SPTB: variants seen among roughly 807,000 people sequenced by gnomAD.
SPTB encodes spectrin beta, erythrocytic.
A neutral mutation model predicts 256.2 loss-of-function variants in SPTB; 45 were observed. That is an observed-to-expected ratio of 0.18 (90% confidence interval 0.14 to 0.23). The LOEUF is 0.23. SPTB is among the 10% of genes least tolerant of loss of function. The pLI, the probability that SPTB is intolerant of heterozygous loss-of-function variation, is 1.00. For missense variants in SPTB, 2,715 were observed against 3,040.4 expected (o/e 0.89, Z 2.52); for synonymous variants, 1,231 against 1,243.1 (o/e 0.99, Z 0.21).
chr14:64,761,035 A>G (rs2082086570), intron 32 of SPTB, among the ~76,000 whole-genome samples: 1 of 152,228 alleles, frequency 6.6e-6, no homozygotes, highest in Non-Finnish European at 1.5e-5. Context: ...CAGCATAATC[A>G]TGCCAGAGCT....
rs970244779 is a variant in SPTB at position 64,747,472 on chromosome 14, C to G, written c.*1834G>C. ...CATATGTACCAAAGCCAAATGAAGA[C>G]CTTGCTCACCAGGGCGGGAACCTGG... On this transcript the variant is annotated 3_prime_UTR_variant, in exon 36 of 36. Coordinates refer to ENST00000644917, the MANE Select transcript of SPTB (RefSeq NM_001355436.2). The G allele has an allele frequency of 2.6e-5, 4 of 152,794 alleles. No homozygotes were observed. The highest frequency in any genetic ancestry group is 9.6e-5 in the African/African-American group (4 of 41,580). 9.5% of individuals were successfully genotyped at this position (152,794 alleles called of 1,614,324 possible). A position where few individuals can be genotyped will look rare whatever the true frequency, so the allele number is the denominator to read the frequency against.
chr14:64,801,161 T>C, intron 7 of SPTB, 124 bp downstream of exon 7: 1 of 804,338 alleles, frequency 1.2e-6, no homozygotes, highest in Non-Finnish European at 2.0e-6. Context: ...TGCCCCTCAC[T>C]GTGCCCACAG....
intron 1 of SPTB, among the ~76,000 whole-genome samples, chr14:64,833,087 C>A (rs1288181915): frequency 1.3e-5 from 2 of 152,302 alleles, no homozygotes; most frequent in Non-Finnish European, 2.9e-5. Flanking sequence ...CAATCCTTCC[C>A]CCCAGCTTCT....
chr14:64,800,404 A>G (rs1232538481), intron 8 of SPTB, among the ~76,000 whole-genome samples: 4 of 152,238 alleles, frequency 2.6e-5, no homozygotes, highest in African/African-American at 9.6e-5. Context: ...GTCTATACCA[A>G]TGGGTGAGTT....
At chr14:64,856,750 G>T (rs564877680) in intron 1 of SPTB, among the ~76,000 whole-genome samples, 1 of 152,238 alleles carries the variant, frequency 6.6e-6, no homozygotes, top group African/African-American at 2.4e-5. Flanking sequence ...GGAGAAGGGC[G>T]GGAGTCCTCA....
At chr14:64,773,106 G>T (rs982429014) in intron 25 of SPTB, 114 bp downstream of exon 25, 4 of 1,544,854 alleles carry the variant, frequency 2.6e-6, no homozygotes, top group Non-Finnish European at 3.5e-6. Flanking sequence ...GGCTGGTCCC[G>T]CCTCACACTG....
At position 64,782,224 on chromosome 14, in the gene SPTB, G is replaced by A. The variant is rs1324551416; in HGVS notation, c.4266+66C>T. Reference sequence around the variant, plus strand: ...CCCCAAACCTAAAATTAAAAATAAAGGTGTCAGACTGGCTTCCACTATCCC... The same window carrying A: ...CCCCAAACCTAAAATTAAAAATAAAAGTGTCAGACTGGCTTCCACTATCCC... On this transcript the variant is annotated intron_variant, in intron 20 of 35. Transcript: ENST00000644917. 4.4e-6 allele frequency: 7 copies of A among 1,608,890 alleles called. No individual in the cohort carries two copies. In the African/African-American group the frequency reaches 5.3e-5, roughly 12 times the overall value.
intron 32 of SPTB, among the ~76,000 whole-genome samples, chr14:64,765,466 C>T (rs898804348): frequency 7.2e-5 from 11 of 152,138 alleles, no homozygotes; most frequent in African/African-American, 1.9e-4. Context: ...GGTCCTGAGG[C>T]GCATGCCCTA....
At chr14:64,870,576 C>A (rs957134291) in intron 1 of SPTB, among the ~76,000 whole-genome samples, 33 of 152,292 alleles carry the variant, frequency 2.2e-4, no homozygotes, top group Admixed American at 6.5e-4. Flanking sequence ...AATTCAAGAA[C>A]TTTGATGACG....
In SPTB at chr14:64,797,713, G is replaced by A. The variant is rs1479932241; in HGVS notation, c.1182+16C>T. The A allele has an allele frequency of 6.3e-7, 1 of 1,575,140 alleles. No homozygotes were observed. Among genetic ancestry groups the A allele is most frequent in the Non-Finnish European group, 8.7e-7 (1 of 1,144,606 alleles). On this transcript the variant is annotated intron_variant, in intron 10 of 35. Coordinates refer to ENST00000644917, the MANE Select transcript of SPTB (RefSeq NM_001355436.2). The stretch of plus-strand genomic sequence containing the variant: ...ATCAATCTACTGTCAATGCATAACG[G>A]AAAATGCTGTGGTACCCTGTTGATG...
chr14:64,822,058 A>G (rs1377687732), intron 2 of SPTB, among the ~76,000 whole-genome samples: 6 of 151,864 alleles, frequency 4.0e-5, no homozygotes, highest in Non-Finnish European at 8.8e-5. Flanking sequence ...TCTTCTTAGG[A>G]GGTGGAAGAC....
chr14:64,834,455 C>A lies in SPTB; in HGVS notation c.-51-11310G>T, dbSNP rs182481213. 2.1e-5 allele frequency among the ~76,000 whole-genome samples: 3 copies of A among 144,932 alleles called. No individual in the cohort carries two copies. The East Asian group carries it at 6.4e-4, about 31-fold the overall frequency. On this transcript the variant is annotated intron_variant, in intron 1 of 35. Coordinates refer to ENST00000644917, the MANE Select transcript of SPTB (RefSeq NM_001355436.2). ...TTTTTTTTTTTTTTAGACATCGTTT[C>A]AATCCTGTTGTCCGGGCTGGAGTGC...
In SPTB at chr14:64,784,341, T is replaced by C; in HGVS notation, c.3908A>G (p.Asp1303Gly). ...KLLTSQDVSY[D>G]EARNLHNKWL... is the part of the protein sequence containing the mutation. ...TTTATTGTGAAGGTTTCGTGCTTCA[T>C]CATAGGAGACATCCTGAGATGTCAG... Residue 1303 changes from aspartate (D) to glycine (G), a missense_variant, in exon 19 of 36, where the codon GAT (aspartate) becomes GGT (glycine). By Grantham distance (94) the Asp-to-Gly change is moderately conservative. Transcript: ENST00000644917. 6.2e-7 allele frequency: 1 copy of C among 1,614,250 alleles called. No homozygotes were observed. The highest frequency in any genetic ancestry group is 8.5e-7 in the Non-Finnish European group (1 of 1,180,044).
chr14:64,872,013 A>G (rs1882559981), intron 1 of SPTB, among the ~76,000 whole-genome samples: 2 of 152,258 alleles, frequency 1.3e-5, no homozygotes, highest in Admixed American at 6.5e-5. Flanking sequence ...AGTACAAAGT[A>G]CACAGCACAT....
At chr14:64,797,886 C>G in intron 9 of SPTB, 40 bp from the exon 10 acceptor site, 1 of 1,524,846 alleles carries the variant, frequency 6.6e-7, no homozygotes, top group Middle Eastern at 1.7e-4. Context: ...ATGTTAAGAT[C>G]TCATGGCCAA....
rs764481254 is a variant in SPTB at position 64,801,420 on chromosome 14, G to A, written c.648-20C>T. On this transcript the variant is annotated intron_variant, in intron 6 of 35. Transcript: ENST00000644917. ...TCGGGCCTGGGGACAAAACTGGACT[G>A]TGAAAAGGGAGTAGCCACAGCATCC... The A allele has an allele frequency of 1.6e-5, 25 of 1,580,648 alleles. No individual in the cohort carries two copies. The highest frequency in any genetic ancestry group is 3.3e-5 in the Admixed American group (2 of 59,970).
At position 64,772,954 on chromosome 14, in the gene SPTB, G is replaced by A. The variant is rs762481264; in HGVS notation, c.5179C>T (p.Leu1727Phe). The A allele has an allele frequency of 6.3e-6, 10 of 1,599,332 alleles. No homozygotes were observed. Among genetic ancestry groups the A allele is most frequent in the Non-Finnish European group, 3.4e-6 (4 of 1,173,244 alleles). Residue 1727 changes from leucine to phenylalanine, a missense_variant and splice_region_variant, in exon 26 of 36, where the codon CTT (leucine) becomes TTT (phenylalanine). Transcript: ENST00000644917. The surrounding 1 kb of genome is among the most constrained non-coding windows in gnomAD (Gnocchi z 5.4). ...EMGQDFDHVT[L>F]LRDKFRDFAR... Reference sequence around the variant, plus strand: ...AAGTCCCGGAACTTGTCCCGCAGAAGCTAGGCATGGGGCAGACAGAAATGT... The same window carrying A: ...AAGTCCCGGAACTTGTCCCGCAGAAACTAGGCATGGGGCAGACAGAAATGT...
Position 64,823,245 on chromosome 14 carries a change from C to G in SPTB, c.-51-100G>C. On this transcript the variant is annotated intron_variant, in intron 1 of 35. Coordinates refer to ENST00000644917, the MANE Select transcript of SPTB (RefSeq NM_001355436.2). This position sits in a 1 kb window ranked among gnomAD's most constrained non-coding sequence, Gnocchi z 6.5. ...AGCATCCAACGTGAGTAGATCCTGA[C>G]AGAAGCAGAACGCCATGTCATCTGC... 1.1e-6 allele frequency: 1 copy of G among 906,392 alleles called. No homozygotes were observed. Among genetic ancestry groups the G allele is most frequent in the Admixed American group, 2.0e-5 (1 of 50,458 alleles). The allele number at this position is 906,392 out of a possible 1,614,324, so 56.1% of individuals were successfully genotyped here. A position where few individuals can be genotyped will look rare whatever the true frequency, so the allele number is the denominator to read the frequency against.
In SPTB at chr14:64,823,841, G is replaced by A. The variant is rs948191110; in HGVS notation, c.-51-696C>T. Among the ~76,000 whole-genome samples, 3 of 152,184 alleles carry A rather than the reference G, an allele frequency of 2.0e-5. No individual in the cohort carries two copies. The highest frequency in any genetic ancestry group is 2.9e-5 in the Non-Finnish European group (2 of 68,028). The stretch of plus-strand genomic sequence containing the variant: ...AGATGAGGTCTCCTGTTGAATTCCA[G>A]GACAGACTGAGCAACCCAAAGGAGC... On this transcript the variant is annotated intron_variant, in intron 1 of 35. Coordinates refer to ENST00000644917, the MANE Select transcript of SPTB (RefSeq NM_001355436.2). The surrounding 1 kb of genome is among the most constrained non-coding windows in gnomAD (Gnocchi z 6.5).
Sources: allele counts gnomAD v4.1 joint callset (sites outside exome capture counted in the v4.1 genomes callset), GRCh38; gene constraint gnomAD v4.1.1; non-coding constraint Gnocchi (gnomAD v3.1); transcripts MANE v1.5; gene names NCBI Gene and HGNC (gene_info 2026-07-23, HGNC 2026-07-21).